Variants in UBR1 observed in about 807,000 individuals in gnomAD.
UBR1 encodes the protein ubiquitin protein ligase E3 component n-recognin 1.
A neutral mutation model predicts 242.1 loss-of-function variants in UBR1; 102 were observed. The ratio of observed to expected loss-of-function variants is 0.42; its 90% CI spans 0.36 to 0.50. UBR1 has a LOEUF of 0.50. Among genes scored for constraint, UBR1 ranks in the 20% least tolerant of loss-of-function variants. UBR1 has a pLI of 0.01. For synonymous variants in UBR1, 675 were observed against 684.8 expected (o/e 0.99, Z 0.22); for missense variants, 1,772 against 2,101.8 (o/e 0.84, Z 3.07).
chr15:42,946,067 G>C (rs2031728329), intron 46 of UBR1, among the ~76,000 whole-genome samples: 1 of 152,208 alleles, frequency 6.6e-6, no homozygotes, highest in African/African-American at 2.4e-5. Flanking sequence ...GGAGAACTGT[G>C]AGATCCTAAT....
At chr15:43,096,551 TTACC>T (rs2034164405) in intron 1 of UBR1, among the ~76,000 whole-genome samples, 1 of 152,220 alleles carries the variant, frequency 6.6e-6, no homozygotes, top group Non-Finnish European at 1.5e-5. Flanking sequence ...TGATAGCATG[TTACC>T]AATGGCAGAA....
At chr15:43,077,886 C>A (rs1401235847) in intron 3 of UBR1, among the ~76,000 whole-genome samples, 2 of 152,108 alleles carry the variant, frequency 1.3e-5, no homozygotes, top group Admixed American at 1.3e-4. Context: ...TTCCTCAAAA[C>A]TTCCTCCAAA....
At chr15:43,070,699 A>G in intron 5 of UBR1, 96 bp downstream of exon 5, 1 of 1,542,640 alleles carries the variant, frequency 6.5e-7, no homozygotes, top group Middle Eastern at 1.7e-4. Context: ...TCATAATGAT[A>G]ATTAGGCAGT....
At chr15:42,959,493 T>A (rs1414241437) in intron 43 of UBR1, among the ~76,000 whole-genome samples, 3 of 152,236 alleles carry the variant, frequency 2.0e-5, no homozygotes, top group Non-Finnish European at 4.4e-5. Flanking sequence ...TATGTTATAA[T>A]GTCTTAAGTT....
At chr15:43,041,575 A>G (rs1042337737) in intron 15 of UBR1, among the ~76,000 whole-genome samples, 2 of 152,232 alleles carry the variant, frequency 1.3e-5, no homozygotes, top group African/African-American at 4.8e-5. Flanking sequence ...CCTGTACCCT[A>G]GAACTTAAAG....
At chr15:43,043,845 AC>A (rs991645236) in intron 14 of UBR1, among the ~76,000 whole-genome samples, 5 of 152,242 alleles carry the variant, frequency 3.3e-5, no homozygotes, top group Non-Finnish European at 7.3e-5. Flanking sequence ...CTTGTAGGAA[AC>A]ATAAGATATA....
intron 29 of UBR1, among the ~76,000 whole-genome samples, chr15:43,007,678 C>T (rs1300782102): frequency 6.6e-6 from 1 of 151,538 alleles, no homozygotes; most frequent in African/African-American, 2.4e-5. Context: ...CTACTAGTAA[C>T]CTTGTATATT....
At chr15:42,997,547 T>C (rs1031089951) in intron 33 of UBR1, among the ~76,000 whole-genome samples, 2 of 152,190 alleles carry the variant, frequency 1.3e-5, no homozygotes, top group African/African-American at 4.8e-5. Flanking sequence ...ATTCCCACTT[T>C]ATCCTTTTAA....
chr15:43,070,538 G>C (rs1173883239), intron 5 of UBR1, among the ~76,000 whole-genome samples: 1 of 152,076 alleles, frequency 6.6e-6, no homozygotes, highest in Non-Finnish European at 1.5e-5. Context: ...ATTTAGAACA[G>C]GACCCCAAAA....
At chr15:43,087,958 G>A in intron 1 of UBR1, among the ~76,000 whole-genome samples, 1 of 152,052 alleles carries the variant, frequency 6.6e-6, no homozygotes, top group African/African-American at 2.4e-5. Context: ...AAAAAGAAGA[G>A]GTGAAGGAGA....
chr15:42,993,934 C>T (rs1348870822), intron 33 of UBR1, among the ~76,000 whole-genome samples: 2 of 152,018 alleles, frequency 1.3e-5, no homozygotes, highest in Non-Finnish European at 2.9e-5. Flanking sequence ...TAAACCCAAT[C>T]TGAGCATTGT....
chr15:42,989,889 TA>T, intron 34 of UBR1, 140 bp downstream of exon 34: 1 of 701,080 alleles, frequency 1.4e-6, no homozygotes, highest in Non-Finnish European at 2.4e-6. Context: ...TTAATACAAA[TA>T]AAACAAACGA....
chr15:43,068,655 CTG>C (rs2033785529), intron 5 of UBR1, among the ~76,000 whole-genome samples: 1 of 152,096 alleles, frequency 6.6e-6, no homozygotes, highest in African/African-American at 2.4e-5. Flanking sequence ...GAATCTCACT[CTG>C]TCACCCAGGC....
chr15:43,063,335 C>T (rs2033711182), intron 6 of UBR1, among the ~76,000 whole-genome samples: 2 of 152,214 alleles, frequency 1.3e-5, no homozygotes, highest in African/African-American at 4.8e-5. Context: ...CAGCCCCACG[C>T]TTTCCCAAGC....
intron 39 of UBR1, 52 bp downstream of exon 39, chr15:42,976,665 G>A (rs966852037): frequency 2.5e-6 from 4 of 1,599,412 alleles, no homozygotes; most frequent in Non-Finnish European, 3.4e-6. Context: ...AATTTTGCCA[G>A]TAAAGCATGG....
intron 1 of UBR1, among the ~76,000 whole-genome samples, chr15:43,087,281 T>C (rs1487018134): frequency 1.3e-5 from 2 of 151,956 alleles, no homozygotes; most frequent in African/African-American, 4.8e-5. Flanking sequence ...GGCGGGCGCC[T>C]GTAGTCCCAG....
intron 14 of UBR1, among the ~76,000 whole-genome samples, chr15:43,045,271 G>A (rs1323252949): frequency 6.6e-6 from 1 of 152,002 alleles, no homozygotes; most frequent in East Asian, 1.9e-4. Context: ...ACTAGCCTGG[G>A]CAACACAGAG....
chr15:43,003,247 T>C (rs1199822857), intron 31 of UBR1: 2 of 164,036 alleles, frequency 1.2e-5, no homozygotes, highest in Non-Finnish European at 2.7e-5. Flanking sequence ...TTTTATTATT[T>C]ATTTGTTGTG....
At chr15:42,980,437 T>C (rs779790937) in intron 37 of UBR1, among the ~76,000 whole-genome samples, 3 of 152,232 alleles carry the variant, frequency 2.0e-5, no homozygotes, top group Non-Finnish European at 4.4e-5. Flanking sequence ...TTTATTACCA[T>C]GGGCAAGTCA....
Sources: gnomAD v4.1 joint callset for allele counts (sites outside exome capture counted in the v4.1 genomes callset) on GRCh38, gnomAD v4.1.1 for gene constraint, MANE v1.5 for transcripts, NCBI Gene and HGNC (gene_info 2026-07-23, HGNC 2026-07-21) for gene names.